The following MTUS1 variants were observed in gnomAD, a reference collection of about 807,000 sequenced individuals.
MTUS1 encodes microtubule associated scaffold protein 1.
Under a neutral mutation model 120.8 loss-of-function variants are expected in MTUS1, and 109 were observed. That is an observed-to-expected ratio of 0.90 (90% CI 0.77 to 1.06). MTUS1 has a LOEUF of 1.06. MTUS1 is among the 50% of genes least tolerant of loss of function. The pLI is 0.00. For synonymous variants in MTUS1, 737 were observed against 550.5 expected, an observed-to-expected ratio of 1.34 and a Z score of -4.74; for missense variants, 2,210 against 1,486.3, an observed-to-expected ratio of 1.49 and a Z score of -8.01.
chr8:17,721,457 G>T (rs1215598563), intron 4 of MTUS1, among the ~76,000 whole-genome samples: 1 of 152,118 alleles, frequency 6.6e-6, no homozygotes, highest in Non-Finnish European at 1.5e-5. Flanking sequence ...TTTGATAATA[G>T]GATAATTTCA....
At chr8:17,786,498 C>T (rs895729483) in intron 1 of MTUS1, among the ~76,000 whole-genome samples, 4 of 152,188 alleles carry the variant, frequency 2.6e-5, no homozygotes, top group African/African-American at 9.6e-5. Context: ...GAAGCGTGAA[C>T]TGACCACACT....
chr8:17,663,644 G>A (rs112930901), intron 8 of MTUS1, among the ~76,000 whole-genome samples: 1 of 152,130 alleles, frequency 6.6e-6, no homozygotes, highest in African/African-American at 2.4e-5. Flanking sequence ...CACCCAGGCT[G>A]GAGTGTAGTG....
intron 12 of MTUS1, 148 bp downstream of exon 12, chr8:17,653,038 T>C (rs1277102562): frequency 1.9e-6 from 1 of 536,750 alleles, no homozygotes; most frequent in Non-Finnish European, 3.3e-6. Context: ...AGCAAAGCAG[T>C]TGTTTTACAC....
intron 6 of MTUS1, among the ~76,000 whole-genome samples, chr8:17,701,004 C>A (rs889064991): frequency 1.3e-5 from 2 of 152,008 alleles, no homozygotes; most frequent in Non-Finnish European, 2.9e-5. Flanking sequence ...CTAGCATAAT[C>A]TGTATGGGGT....
chr8:17,685,476 TAA>T (rs576891616), intron 6 of MTUS1, among the ~76,000 whole-genome samples: 6 of 136,342 alleles, frequency 4.4e-5, no homozygotes, highest in Admixed American at 7.3e-5. Context: ...CACAAGAAAC[TAA>T]AAAAAAAAAA....
intron 4 of MTUS1, among the ~76,000 whole-genome samples, chr8:17,716,949 C>A (rs1332788028): frequency 1.3e-5 from 2 of 152,176 alleles, no homozygotes; most frequent in Non-Finnish European, 1.5e-5. Flanking sequence ...CAACTATGAT[C>A]CCTTTTCTCA....
intron 7 of MTUS1, 143 bp from the exon 8 acceptor site, chr8:17,675,395 A>C (rs924771661): frequency 1.6e-6 from 1 of 634,414 alleles, no homozygotes; most frequent in Non-Finnish European, 2.7e-6. Context: ...TGTGTTGTTA[A>C]AAGAAACACA....
intron 7 of MTUS1, among the ~76,000 whole-genome samples, chr8:17,680,831 C>T (rs967269725): frequency 2.6e-5 from 4 of 152,124 alleles, no homozygotes; most frequent in African/African-American, 4.8e-5. Context: ...TGAGCAGACA[C>T]ATGAAGGAAG....
intron 6 of MTUS1, among the ~76,000 whole-genome samples, chr8:17,695,218 T>C (rs111341738): frequency 0.026 from 4,010 of 152,306 alleles, 195 homozygotes; most frequent in African/African-American, 0.09. Flanking sequence ...ATTCCTTACA[T>C]GATTTTAAAA....
At chr8:17,679,225 T>G (rs1813756825) in intron 7 of MTUS1, among the ~76,000 whole-genome samples, 1 of 151,930 alleles carries the variant, frequency 6.6e-6, no homozygotes, top group Admixed American at 6.6e-5. Flanking sequence ...AATACCTATA[T>G]ATTATACATA....
rs755837688 is a variant in MTUS1 at position 17,755,396 on chromosome 8, A to G, written c.412T>C (p.Phe138Leu). The stretch of plus-strand genomic sequence containing the variant: ...AAATTGTCATTAGGCTTCCACACAA[A>G]AGGCAAAGATGGCTCAACACTCTGG... ...EGQSVEPSLP[F>L]VWKPNDNLNC... The change falls in exon 2 of 15, where the codon TTT becomes CTT. Residue 138 changes from phenylalanine (F) to leucine (L), a missense_variant. Physicochemically the swap from Phe to Leu is conservative, Grantham distance 22. Coordinates refer to ENST00000693296, the MANE Select transcript of MTUS1 (RefSeq NM_001363059.2). 4 of 1,614,212 alleles carry G rather than the reference A, an allele frequency of 2.5e-6. No individual in the cohort carries two copies. Among genetic ancestry groups the G allele is most frequent in the Non-Finnish European group, 3.4e-6 (4 of 1,180,032 alleles).
intron 6 of MTUS1, among the ~76,000 whole-genome samples, chr8:17,685,996 A>G (rs1029012268): frequency 1.3e-5 from 2 of 152,240 alleles, no homozygotes; most frequent in Non-Finnish European, 1.5e-5. Flanking sequence ...AATAATCTAA[A>G]TATTTGACCA....
chr8:17,754,694 T>C lies in MTUS1; in HGVS notation c.1114A>G (p.Thr372Ala), dbSNP rs775814520. 1.2e-5 allele frequency: 20 copies of C among 1,614,118 alleles called. No homozygotes were observed. The African/African-American group carries it at 2.5e-4, about 20-fold the overall frequency. ...ACCATTTGTGTGTCTTCAGTCTCAG[T>C]GACTTTATGCTCTGGGTTCAGCACT... ...AQVLNPEHKVTETEDTQMVSK... is the reference protein window; with the variant it reads ...AQVLNPEHKVAETEDTQMVSK... The change falls in exon 2 of 15, where the codon ACT becomes GCT. Residue 372 changes from threonine to alanine, a missense_variant. Thr to Ala is a moderately conservative substitution (Grantham distance 58, BLOSUM62 0). Coordinates refer to ENST00000693296, the MANE Select transcript of MTUS1 (RefSeq NM_001363059.2).
intron 1 of MTUS1, among the ~76,000 whole-genome samples, chr8:17,756,676 CA>C (rs1302753511): frequency 0.11 from 6,642 of 62,440 alleles, 446 homozygotes; most frequent in South Asian, 0.2. Flanking sequence ...CCCAAACCCC[CA>C]CCCCTTATGT....
At chr8:17,676,328 AT>A (rs1195951369) in intron 7 of MTUS1, 2 of 702,842 alleles carry the variant, frequency 2.8e-6, no homozygotes, top group African/African-American at 3.5e-5. Context: ...GGGGCAGCCC[AT>A]TTTCCAGCTT....
intron 1 of MTUS1, among the ~76,000 whole-genome samples, chr8:17,770,024 T>C (rs1294245976): frequency 1.3e-5 from 2 of 151,936 alleles, no homozygotes; most frequent in African/African-American, 4.8e-5. Context: ...ATAAAGTATA[T>C]AATACATAAT....
chr8:17,712,432 G>C (rs559759921), intron 6 of MTUS1, among the ~76,000 whole-genome samples: 3 of 152,074 alleles, frequency 2.0e-5, no homozygotes, highest in African/African-American at 4.8e-5. Context: ...TGCCTCCCAG[G>C]TTCAAGCAAT....
chr8:17,700,961 G>C lies in MTUS1; in HGVS notation c.2623+12253C>G, dbSNP rs1392792406. Among the ~76,000 whole-genome samples, 8 of 152,092 alleles carry C rather than the reference G, an allele frequency of 5.3e-5. No individual in the cohort carries two copies. The East Asian group carries it at 1.5e-3, about 29-fold the overall frequency. On this transcript the variant is annotated intron_variant, in intron 6 of 14. Transcript: ENST00000693296. ...TGTGTTTTTTTAAATCAGTGATTTA[G>C]AAAACAATGATGTCATGATTCTAGA... is the stretch of plus-strand genomic sequence containing the variant.
chr8:17,647,267 G>C lies in MTUS1; in HGVS notation c.3502-188C>G, dbSNP rs1404953668. 5 of 532,516 alleles carry C rather than the reference G, an allele frequency of 9.4e-6. No individual in the cohort carries two copies. The East Asian group carries it at 1.3e-4, about 14-fold the overall frequency. The allele number at this position is 532,516 out of a possible 1,614,324, so 33.0% of individuals were successfully genotyped here. On this transcript the variant is annotated intron_variant, in intron 13 of 14. Coordinates refer to ENST00000693296, the MANE Select transcript of MTUS1 (RefSeq NM_001363059.2). ...TAAAACAGCAAAACAGAGCGGCTGGGTATTTTTAAAACATGTATGCCAGGA... is the reference window on the plus strand; with the variant it reads ...TAAAACAGCAAAACAGAGCGGCTGGCTATTTTTAAAACATGTATGCCAGGA...
Sources: allele counts gnomAD v4.1 joint callset (sites outside exome capture counted in the v4.1 genomes callset), GRCh38; gene constraint gnomAD v4.1.1; transcripts MANE v1.5; gene names NCBI Gene and HGNC (gene_info 2026-07-23, HGNC 2026-07-21).